Variants in COG1 observed in about 807,000 individuals in gnomAD.
COG1 encodes component of oligomeric golgi complex 1.
Under a neutral mutation model 102.2 loss-of-function variants are expected in COG1, and 61 were observed. The observed-to-expected ratio is 0.60, with a 90% CI of 0.49 to 0.74. COG1 has a LOEUF of 0.74. COG1 is among the 30% of genes least tolerant of loss of function. COG1 has a pLI of 0.00. For synonymous variants in COG1, 454 were observed against 493.6 expected (o/e 0.92, Z 1.06); for missense variants, 1,164 against 1,232.1 (o/e 0.94, Z 0.83).
At position 73,205,698 on chromosome 17, in the gene COG1, G is replaced by A. The variant is rs748349192; in HGVS notation, c.2510+18G>A. 28 of 1,613,012 alleles carry A rather than the reference G, an allele frequency of 1.7e-5. No homozygotes were observed. In the Admixed American group the frequency reaches 4.7e-4, roughly 27 times the overall value. ...GACTCCAGGTGTCGTATCCTCTAGGGAGCTATGTCAAGGCGGTCTCTTCCA... is the reference window on the plus strand; with the variant it reads ...GACTCCAGGTGTCGTATCCTCTAGGAAGCTATGTCAAGGCGGTCTCTTCCA... On this transcript the variant is annotated intron_variant, in intron 10 of 13. Transcript: ENST00000299886.
At chr17:73,207,984 T>G in intron 13 of COG1, 1 of 1,266,912 alleles carries the variant, frequency 7.9e-7, no homozygotes, top group Non-Finnish European at 1.0e-6. Context: ...AAGCATGGGC[T>G]ATGTTGCAGC....
Position 73,201,656 on chromosome 17 carries a change from C to T in COG1, c.1829C>T (p.Ser610Leu). Residue 610 changes from serine to leucine, a missense_variant, in exon 7 of 14, where the codon TCA becomes TTA. Physicochemically the swap from Ser to Leu is moderately radical, Grantham distance 145. Coordinates refer to ENST00000299886, the MANE Select transcript of COG1 (RefSeq NM_018714.3). The stretch of plus-strand genomic sequence containing the variant: ...GCCCTCAACAGTGCCAAGCTGCACT[C>T]AGTTCTTTTCATGGCCAGACTCTGC... The part of the protein sequence containing the change: ...QDALNSAKLH[S>L]VLFMARLCQS... The T allele has an allele frequency of 4.3e-6, 7 of 1,614,244 alleles. No homozygotes were observed. Among genetic ancestry groups the T allele is most frequent in the Non-Finnish European group, 5.9e-6 (7 of 1,180,048 alleles).
chr17:73,199,204 G>C (rs2061336673), intron 4 of COG1, among the ~76,000 whole-genome samples: 1 of 152,144 alleles, frequency 6.6e-6, no homozygotes, highest in South Asian at 2.1e-4. Context: ...AGCTATGAAC[G>C]ACTCAGTTAA....
intron 1 of COG1, among the ~76,000 whole-genome samples, chr17:73,194,120 C>T (rs2061314362): frequency 1.3e-5 from 2 of 152,114 alleles, no homozygotes; most frequent in African/African-American, 4.8e-5. Context: ...AACACATCCT[C>T]ATATTGGAGC....
In COG1 at chr17:73,201,606, A is replaced by T; in HGVS notation, c.1779A>T (p.Glu593Asp). 1.2e-6 allele frequency: 2 copies of T among 1,614,218 alleles called. No homozygotes were observed. The highest frequency in any genetic ancestry group is 1.3e-5 in the African/African-American group (1 of 75,054). ...DCIRAELQSI[E>D]EGVQGQQDAL... ...TCCGGGCAGAGCTACAGAGCATTGAAGAGGGTGTGCAAGGGCAACAGGATG... is the reference window on the plus strand; with the variant it reads ...TCCGGGCAGAGCTACAGAGCATTGATGAGGGTGTGCAAGGGCAACAGGATG... Residue 593 changes from glutamate to aspartate, a missense_variant, in exon 7 of 14, where the codon GAA becomes GAT. Glu to Asp is a conservative substitution (Grantham distance 45, BLOSUM62 2). Coordinates refer to ENST00000299886, the MANE Select transcript of COG1 (RefSeq NM_018714.3).
In COG1 at chr17:73,201,654, C is replaced by A; in HGVS notation, c.1827C>A (p.His609Gln). 1 of 1,614,254 alleles carries A rather than the reference C, an allele frequency of 6.2e-7. No individual in the cohort carries two copies. The highest frequency in any genetic ancestry group is 8.5e-7 in the Non-Finnish European group (1 of 1,180,050). The change falls in exon 7 of 14, where the codon CAC becomes CAA. Residue 609 changes from histidine to glutamine, a missense_variant. Physicochemically the swap from His to Gln is conservative, Grantham distance 24. Coordinates refer to ENST00000299886, the MANE Select transcript of COG1 (RefSeq NM_018714.3). ...QQDALNSAKL[H>Q]SVLFMARLCQ... is the part of the protein sequence containing the mutation. ...ATGCCCTCAACAGTGCCAAGCTGCACTCAGTTCTTTTCATGGCCAGACTCT... is the reference window on the plus strand; with the variant it reads ...ATGCCCTCAACAGTGCCAAGCTGCAATCAGTTCTTTTCATGGCCAGACTCT...
intron 3 of COG1, 57 bp downstream of exon 3, chr17:73,197,138 G>T (rs2061328713): frequency 3.7e-6 from 6 of 1,612,594 alleles, no homozygotes; most frequent in Non-Finnish European, 5.1e-6. Context: ...AGAAGGGTGA[G>T]CTGCGGGAGA....
At position 73,201,807 on chromosome 17, in the gene COG1, C is replaced by A. The variant is rs773468672; in HGVS notation, c.1980C>A (p.Ile660=). Residue 660 remains isoleucine, a synonymous_variant, in exon 7 of 14, where the codon ATC becomes ATA. Coordinates refer to ENST00000299886, the MANE Select transcript of COG1 (RefSeq NM_018714.3). ...AGGGAAAGGTGAAAACTCAGGAAAT[C>A]ATTCCTACACAGGCCAAGTGGCAAG... The part of the protein sequence containing the change: ...RKQGKVKTQE[I]IPTQAKWQEV... The A allele has an allele frequency of 7.4e-6, 12 of 1,614,066 alleles. No individual in the cohort carries two copies. Among genetic ancestry groups the A allele is most frequent in the Non-Finnish European group, 1.0e-5 (12 of 1,180,034 alleles).
chr17:73,193,535 C>T (rs963072646), intron 1 of COG1, 151 bp downstream of exon 1: 9 of 668,846 alleles, frequency 1.3e-5, no homozygotes, highest in Non-Finnish European at 1.8e-5. Flanking sequence ...CCCTTTGGGC[C>T]CCCCTCAGAG....
chr17:73,201,161 T>C lies in COG1; in HGVS notation c.1334T>C (p.Leu445Ser). The C allele has an allele frequency of 6.2e-7, 1 of 1,614,230 alleles. No individual in the cohort carries two copies. Among genetic ancestry groups the C allele is most frequent in the East Asian group, 2.2e-5 (1 of 44,888 alleles). The change falls in exon 7 of 14, where the codon TTG (leucine) becomes TCG (serine). Residue 445 changes from leucine to serine, a missense_variant. Transcript: ENST00000299886. ...ATCTCCAGTAGCTCCAAGGAGCTCT[T>C]GGTTTCAGCTTTGCAGGAACTTGAA... is the stretch of plus-strand genomic sequence containing the variant. ...DSISSSSKEL[L>S]VSALQELESS... is the part of the protein sequence containing the mutation.
In COG1 at chr17:73,193,360, G is replaced by A; in HGVS notation, c.291G>A (p.Ala97=). The A allele has an allele frequency of 2.0e-6, 3 of 1,496,808 alleles. No homozygotes were observed. The highest frequency in any genetic ancestry group is 2.7e-6 in the Non-Finnish European group (3 of 1,127,880). 92.7% of individuals were successfully genotyped at this position (1,496,808 alleles called of 1,614,324 possible). A position where few individuals can be genotyped will look rare whatever the true frequency, so the allele number is the denominator to read the frequency against. ...GCCTCCGCCAGGCCGGCTCGGCCGC[G>A]CCCCGGCCACCGCGGGCCCAGCAGG... ...CARLRQAGSA[A]PRPPRAQQPQ... is the part of the protein sequence containing the mutation. The change falls in exon 1 of 14, where the codon GCG becomes GCA. Residue 97 remains alanine, a synonymous_variant. Transcript: ENST00000299886.
intron 4 of COG1, among the ~76,000 whole-genome samples, chr17:73,199,584 A>AT (rs2061338587): frequency 6.6e-6 from 1 of 151,890 alleles, no homozygotes; most frequent in Non-Finnish European, 1.5e-5. Context: ...TTATTTATTT[A>AT]TTTTTTTGGA....
chr17:73,207,556 G>T, intron 13 of COG1: 1 of 650,374 alleles, frequency 1.5e-6, no homozygotes, highest in Non-Finnish European at 2.5e-6. Context: ...CTGCCAACCC[G>T]GCACTATCAT....
chr17:73,204,245 T>C (rs2061358812), intron 9 of COG1, among the ~76,000 whole-genome samples: 1 of 152,228 alleles, frequency 6.6e-6, no homozygotes, highest in Non-Finnish European at 1.5e-5. Flanking sequence ...CCAACCTCAG[T>C]GCTGCCACTG....
At chr17:73,194,570 T>C (rs1000295130) in intron 1 of COG1, among the ~76,000 whole-genome samples, 1 of 151,782 alleles carries the variant, frequency 6.6e-6, no homozygotes, top group Non-Finnish European at 1.5e-5. Flanking sequence ...TTCAAGCGAT[T>C]CTCCTGCCTC....
chr17:73,202,530 G>A (rs973848513), intron 7 of COG1, among the ~76,000 whole-genome samples: 2 of 152,190 alleles, frequency 1.3e-5, no homozygotes, highest in Admixed American at 6.5e-5. Flanking sequence ...GCTCATGCCT[G>A]TAATCCTAGC....
At chr17:73,203,205 A>G (rs1568297580) in intron 8 of COG1, 59 bp downstream of exon 8, 1 of 1,588,480 alleles carries the variant, frequency 6.3e-7, no homozygotes, top group East Asian at 2.3e-5. Flanking sequence ...AAGAAGAAAG[A>G]TTTTAGAAAA....
In COG1 at chr17:73,201,723, C is replaced by T. The variant is rs775889672; in HGVS notation, c.1896C>T (p.Ile632=). 1 of 1,614,176 alleles carries T rather than the reference C, an allele frequency of 6.2e-7. No individual in the cohort carries two copies. The highest frequency in any genetic ancestry group is 2.2e-5 in the East Asian group (1 of 44,880). The change falls in exon 7 of 14, where the codon ATC becomes ATT. Residue 632 remains isoleucine, a synonymous_variant. Transcript: ENST00000299886. ...TGTGCCCCCATCTGAAGCAGTGCAT[C>T]CTGGGAAAATCAGAGAGCTCAGAGA... is the stretch of plus-strand genomic sequence containing the variant. ...GELCPHLKQC[I]LGKSESSEKP...
intron 13 of COG1, chr17:73,207,653 G>T (rs1477188106): frequency 7.8e-7 from 1 of 1,287,562 alleles, no homozygotes; most frequent in Non-Finnish European, 1.0e-6. Flanking sequence ...CAGAAAATTT[G>T]TTTCCCCAAA....
Sources: allele counts gnomAD v4.1 joint callset (sites outside exome capture counted in the v4.1 genomes callset), GRCh38; gene constraint gnomAD v4.1.1; transcripts MANE v1.5; gene names NCBI Gene and HGNC (gene_info 2026-07-23, HGNC 2026-07-21).